KDM6A: variants seen among roughly 807,000 people sequenced by gnomAD.
KDM6A encodes the protein lysine-specific demethylase 6A.
A neutral mutation model predicts 117.6 loss-of-function variants in KDM6A; 11 were observed. The observed-to-expected ratio is 0.09, with a 90% CI of 0.06 to 0.15. The LOEUF (loss-of-function observed/expected upper bound fraction) is 0.15, where lower values mean the gene tolerates loss of function less well. Among genes scored for constraint, KDM6A ranks in the 10% least tolerant of loss-of-function variants. The pLI is 1.00. For synonymous variants in KDM6A, 384 were observed against 396.1 expected, an observed-to-expected ratio of 0.97 and a Z score of 0.36; for missense variants, 799 against 1,077.3, an observed-to-expected ratio of 0.74 and a Z score of 3.62.
In KDM6A at chrX:45,089,767, T is replaced by C. The variant is rs757510440; in HGVS notation, c.3729T>C (p.Gly1243=). 1.2e-5 allele frequency: 14 copies of C among 1,207,182 alleles called. No homozygotes were observed. The highest frequency in any genetic ancestry group is 1.3e-5 in the Non-Finnish European group (12 of 891,454). Residue 1243 remains glycine, a synonymous_variant, in exon 26 of 30, where the codon GGT becomes GGC. Coordinates refer to ENST00000611820, the MANE Select transcript of KDM6A (RefSeq NM_001291415.2). The part of the protein sequence containing the change: ...CEKNNLNFLM[G]SWWPNLEDLY... ...GAAATAATTTGAATTTCCTAATGGG[T>C]TCTTGGTGGCCCAATCTTGAAGATC...
intron 4 of KDM6A, among the ~76,000 whole-genome samples, chrX:44,975,624 A>G (rs1328909132): frequency 8.9e-6 from 1 of 111,921 alleles, no homozygotes; most frequent in Non-Finnish European, 1.9e-5. Context: ...TTATAGCTTT[A>G]TTCACATGCT....
chrX:44,988,026 C>A (rs975326192), intron 4 of KDM6A, among the ~76,000 whole-genome samples: 2 of 111,962 alleles, frequency 1.8e-5, no homozygotes, highest in Non-Finnish European at 3.8e-5. Flanking sequence ...TCCATTCTCC[C>A]CGTCACTTTC....
chrX:44,877,008 C>T (rs755370596), intron 2 of KDM6A, among the ~76,000 whole-genome samples: 4 of 111,625 alleles, frequency 3.6e-5, no homozygotes, highest in Admixed American at 9.5e-5. Context: ...TATATACACA[C>T]GTATACGTGT....
chrX:45,074,884 C>A (rs748831442), intron 18 of KDM6A, among the ~76,000 whole-genome samples: 1 of 111,764 alleles, frequency 8.9e-6, no homozygotes, highest in East Asian at 2.8e-4. Flanking sequence ...TGTTACAGAT[C>A]TGTGTAAATG....
chrX:45,051,693 T>C lies in KDM6A; in HGVS notation c.655-16T>C, dbSNP rs570077971. ...TTATGTTAATTTTTCTCCAAATCTC[T>C]TTTTCTGTTCTTTAGAGGAAATATC... On this transcript the variant is annotated splice_polypyrimidine_tract_variant and intron_variant, in intron 8 of 29. Coordinates refer to ENST00000611820, the MANE Select transcript of KDM6A (RefSeq NM_001291415.2). 4.3e-5 allele frequency: 44 copies of C among 1,029,120 alleles called. No homozygotes were observed. The South Asian group carries it at 7.3e-4, about 17-fold the overall frequency. The allele number at this position is 1,029,120 out of a possible 1,213,427, so 84.8% of individuals were successfully genotyped here.
chrX:45,032,261 A>G (rs1236374617), intron 6 of KDM6A, among the ~76,000 whole-genome samples: 2 of 111,408 alleles, frequency 1.8e-5, no homozygotes, highest in Non-Finnish European at 3.8e-5. Context: ...ATATTTTACC[A>G]TGGTATTTTC....
chrX:44,992,206 C>CTTTTTTTTTTTTTT (rs779979560), intron 4 of KDM6A, among the ~76,000 whole-genome samples: 3 of 32,060 alleles, frequency 9.4e-5, no homozygotes, highest in Non-Finnish European at 1.2e-4. Context: ...CTGTCTTCTT[C>CTTTTTTTTTTTTTT]TTTTTTTTTT....
intron 4 of KDM6A, among the ~76,000 whole-genome samples, chrX:44,989,305 C>A (rs1285621597): frequency 9.6e-6 from 1 of 104,612 alleles, no homozygotes; most frequent in South Asian, 4.6e-4. Flanking sequence ...TCTGTCACCC[C>A]TTTCTTTGAC....
chrX:45,002,314 A>T (rs1179984390), intron 4 of KDM6A, among the ~76,000 whole-genome samples: 3 of 111,145 alleles, frequency 2.7e-5, no homozygotes, highest in Non-Finnish European at 5.7e-5. Context: ...ATAAGGTAAA[A>T]TTTTTATAGA....
At chrX:44,876,125 A>AT (rs1410235080) in intron 2 of KDM6A, among the ~76,000 whole-genome samples, 1 of 111,664 alleles carries the variant, frequency 9.0e-6, no homozygotes, top group Non-Finnish European at 1.9e-5. Flanking sequence ...AGAAAAAAAA[A>AT]TCTTCACTGC....
In KDM6A at chrX:44,887,979, A is replaced by G. The variant is rs144343832; in HGVS notation, c.225+13992A>G. Among the ~76,000 whole-genome samples, 335 of 111,412 alleles carry G rather than the reference A, an allele frequency of 3.0e-3. 1 individual carries two copies. The highest frequency in any genetic ancestry group is 0.01 in the African/African-American group (315 of 30,774). On this transcript the variant is annotated intron_variant, in intron 2 of 29. Transcript: ENST00000611820. ...CAGTGCACTCCAGCCTGGGCAACAC[A>G]GTGAGACTCCGTCTCTTTAAAAAAC...
intron 6 of KDM6A, among the ~76,000 whole-genome samples, chrX:45,028,226 G>GT (rs2042460252): frequency 8.9e-6 from 1 of 112,264 alleles, no homozygotes; most frequent in South Asian, 3.6e-4. Context: ...TTGCTACCAT[G>GT]TTTAACATTT....
chrX:45,080,651 C>T (rs1181055879), intron 21 of KDM6A, among the ~76,000 whole-genome samples: 1 of 111,819 alleles, frequency 8.9e-6, no homozygotes. Context: ...ATTTGTCTTC[C>T]TTTCCCCCTG....
At chrX:44,940,092 G>A (rs2037208267) in intron 2 of KDM6A, among the ~76,000 whole-genome samples, 1 of 111,101 alleles carries the variant, frequency 9.0e-6, no homozygotes, top group Admixed American at 9.6e-5. Flanking sequence ...TCACCCTGTT[G>A]CCCAGGCTGG....
rs1569535213 is a variant in KDM6A at position 45,068,818 on chromosome X, CTTTCT to C, written c.2080-760_2080-756del. ...TCTTTCTCTTTCTCTTTCTCTTTCT[CTTTCT>C]CTTTCCCTTTCCCTTTCCCTTTCCC... On this transcript the variant is annotated intron_variant, in intron 17 of 29. Coordinates refer to ENST00000611820, the MANE Select transcript of KDM6A (RefSeq NM_001291415.2). Among the ~76,000 whole-genome samples the C allele has an allele frequency of 3.8e-3, 375 of 99,682 alleles. 1 individual carries two copies. The highest frequency in any genetic ancestry group is 0.015 in the African/African-American group (353 of 23,058). 86.6% of individuals were successfully genotyped at this position (99,682 alleles called of 115,157 possible). A position where few individuals can be genotyped will look rare whatever the true frequency, so the allele number is the denominator to read the frequency against.
At chrX:45,054,059 TTTCTC>T in intron 10 of KDM6A, 104 bp downstream of exon 10, 5 of 846,612 alleles carry the variant, frequency 5.9e-6, no homozygotes, top group Non-Finnish European at 8.8e-6. Flanking sequence ...ATCAGTGTAT[TTTCTC>T]TTCTAAATAC....
At chrX:44,969,016 A>G (rs2063044415) in intron 3 of KDM6A, among the ~76,000 whole-genome samples, 1 of 110,959 alleles carries the variant, frequency 9.0e-6, no homozygotes, top group South Asian at 3.8e-4. Flanking sequence ...TTCAAAGTAC[A>G]TAGCAAAATT....
chrX:44,935,410 G>A (rs2036908188), intron 2 of KDM6A, among the ~76,000 whole-genome samples: 1 of 110,296 alleles, frequency 9.1e-6, no homozygotes, highest in South Asian at 4.0e-4. Flanking sequence ...TGATGAAATA[G>A]GTGGGTGGTG....
chrX:44,982,447 G>A (rs112499199), intron 4 of KDM6A, among the ~76,000 whole-genome samples: 4,410 of 111,421 alleles, frequency 0.04, 78 homozygotes, highest in Middle Eastern at 0.083. Context: ...CTATATGAAT[G>A]TAAATATCAG....
Sources: gnomAD v4.1 joint callset for allele counts (sites outside exome capture counted in the v4.1 genomes callset) on GRCh38, gnomAD v4.1.1 for gene constraint, MANE v1.5 for transcripts, NCBI Gene and HGNC (gene_info 2026-07-23, HGNC 2026-07-21) for gene names.